ABL2: variants seen among roughly 807,000 people sequenced by gnomAD.
ABL2 encodes tyrosine-protein kinase ABL2.
In ABL2, 49 loss-of-function variants were observed where a neutral mutation model predicts 107.7. The ratio of observed to expected loss-of-function variants is 0.45; its 90% CI spans 0.36 to 0.58. The LOEUF (loss-of-function observed/expected upper bound fraction) is 0.58. Among genes scored for constraint, ABL2 ranks in the 20% least tolerant of loss-of-function variants. The probability of loss-of-function intolerance (pLI) is 0.00; values close to 1 mark genes in which losing one functional copy is unlikely to be tolerated. For missense variants in ABL2, 1,245 were observed against 1,457.0 expected (o/e 0.85, Z 2.37); for synonymous variants, 549 against 548.6 (o/e 1.00, Z -0.01).
chr1:179,229,178 C>A (rs1191877511), intron 1 of ABL2, 63 bp downstream of exon 1: 12 of 328,892 alleles, frequency 3.6e-5, no homozygotes, highest in Non-Finnish European at 6.0e-6. Context: ...CCGCCACCCA[C>A]CCCGCCCCGA....
intron 7 of ABL2, 120 bp from the exon 8 acceptor site, chr1:179,117,636 T>A: frequency 2.3e-6 from 2 of 888,036 alleles, no homozygotes; most frequent in Non-Finnish European, 3.4e-6. Context: ...AATATGGTAG[T>A]ATCTTCTGAT....
intron 1 of ABL2, among the ~76,000 whole-genome samples, chr1:179,134,506 CAA>C (rs1656652054): frequency 6.6e-6 from 1 of 152,182 alleles, no homozygotes; most frequent in African/African-American, 2.4e-5. Flanking sequence ...TTTATAAAAT[CAA>C]AAGTTTCCTC....
intron 1 of ABL2, among the ~76,000 whole-genome samples, chr1:179,180,700 T>C (rs148260856): frequency 6.6e-6 from 1 of 152,194 alleles, no homozygotes; most frequent in Non-Finnish European, 1.5e-5. Flanking sequence ...AAACATCTGA[T>C]AACAAAGTAA....
intron 1 of ABL2, among the ~76,000 whole-genome samples, chr1:179,195,533 T>C (rs925413086): frequency 5.9e-5 from 9 of 152,152 alleles, no homozygotes; most frequent in African/African-American, 2.2e-4. Flanking sequence ...TCTGTATATA[T>C]ATATTCAAAA....
At chr1:179,133,248 C>T in intron 2 of ABL2, 64 bp downstream of exon 2, 1 of 1,604,086 alleles carries the variant, frequency 6.2e-7, no homozygotes, top group Non-Finnish European at 8.5e-7. Context: ...CAAATCCATT[C>T]CCTGTTCTCC....
chr1:179,131,560 T>C (rs930570730), intron 2 of ABL2, 79 bp from the exon 3 acceptor site: 4 of 1,430,776 alleles, frequency 2.8e-6, no homozygotes, highest in Non-Finnish European at 2.9e-6. Context: ...ATATACACAG[T>C]ATTTCAGCTG....
rs771609427 is a variant in ABL2 at position 179,229,415 on chromosome 1, C to T, written c.-18G>A. On this transcript the variant is annotated 5_prime_UTR_variant, in exon 1 of 12. Coordinates refer to ENST00000502732, the MANE Select transcript of ABL2 (RefSeq NM_007314.4). ...TGCCCCATCCCTGCTCTCGCGTACT[C>T]CCGCGCCCCCGCCGACCCCTGGTCA... is the stretch of plus-strand genomic sequence containing the variant. 2 of 1,490,322 alleles carry T rather than the reference C, an allele frequency of 1.3e-6. No homozygotes were observed. The highest frequency in any genetic ancestry group is 1.4e-5 in the South Asian group (1 of 73,786). 92.3% of individuals were successfully genotyped at this position (1,490,322 alleles called of 1,614,324 possible). A position where few individuals can be genotyped will look rare whatever the true frequency, so the allele number is the denominator to read the frequency against.
At position 179,229,415 on chromosome 1, in the gene ABL2, C is replaced by G. The variant is rs771609427; in HGVS notation, c.-18G>C. On this transcript the variant is annotated 5_prime_UTR_variant, in exon 1 of 12. Coordinates refer to ENST00000502732, the MANE Select transcript of ABL2 (RefSeq NM_007314.4). ...TGCCCCATCCCTGCTCTCGCGTACT[C>G]CCGCGCCCCCGCCGACCCCTGGTCA... The G allele has an allele frequency of 1.4e-4, 205 of 1,490,214 alleles. No homozygotes were observed. Among genetic ancestry groups the G allele is most frequent in the Non-Finnish European group, 6.2e-5 (70 of 1,131,386 alleles). 92.3% of individuals were successfully genotyped at this position (1,490,214 alleles called of 1,614,324 possible).
intron 1 of ABL2, among the ~76,000 whole-genome samples, chr1:179,157,052 A>G (rs1188540655): frequency 6.6e-6 from 1 of 152,186 alleles, no homozygotes; most frequent in African/African-American, 2.4e-5. Flanking sequence ...TGCAGCAGCA[A>G]CAACTCTGCT....
chr1:179,157,428 C>T (rs1040458178), intron 1 of ABL2, among the ~76,000 whole-genome samples: 1 of 151,214 alleles, frequency 6.6e-6, no homozygotes, highest in Non-Finnish European at 1.5e-5. Context: ...ACCCGGGAGG[C>T]GGAGGTTGCA....
chr1:179,155,478 C>T (rs1273781509), intron 1 of ABL2, among the ~76,000 whole-genome samples: 1 of 152,030 alleles, frequency 6.6e-6, no homozygotes, highest in African/African-American at 2.4e-5. Flanking sequence ...ACCTGTAATC[C>T]CAGCACTTTG....
intron 1 of ABL2, among the ~76,000 whole-genome samples, chr1:179,181,158 G>A (rs1398267442): frequency 2.6e-5 from 4 of 152,078 alleles, no homozygotes; most frequent in Non-Finnish European, 4.4e-5. Flanking sequence ...ATTATGAAAC[G>A]GAGTTTAAAC....
At chr1:179,111,618 C>T (rs1242883875) in intron 10 of ABL2, among the ~76,000 whole-genome samples, 3 of 152,084 alleles carry the variant, frequency 2.0e-5, no homozygotes, top group Non-Finnish European at 2.9e-5. Context: ...TTTTGGTAGG[C>T]TGTGGATTGG....
chr1:179,146,221 C>T (rs1253766020), intron 1 of ABL2, among the ~76,000 whole-genome samples: 2 of 152,030 alleles, frequency 1.3e-5, no homozygotes, highest in Non-Finnish European at 2.9e-5. Context: ...ATCATGTTGG[C>T]TTAGAATAGG....
rs751897482 is a variant in ABL2 at position 179,108,295 on chromosome 1, C to T, written c.2972G>A (p.Arg991Lys). 1.2e-6 allele frequency: 2 copies of T among 1,613,926 alleles called. No homozygotes were observed. The highest frequency in any genetic ancestry group is 2.7e-5 in the African/African-American group (2 of 74,852). The change falls in exon 12 of 12, where the codon AGA becomes AAA. Residue 991 changes from arginine to lysine, a missense_variant. By Grantham distance (26) the Arg-to-Lys change is conservative. Coordinates refer to ENST00000502732, the MANE Select transcript of ABL2 (RefSeq NM_007314.4). ...GCAGATGGACGGATGCTGCAGTAGTCTCATCACTGGTGGTGGGGGTGGGGC... is the reference window on the plus strand; with the variant it reads ...GCAGATGGACGGATGCTGCAGTAGTTTCATCACTGGTGGTGGGGGTGGGGC... The part of the protein sequence containing the change: ...KCAPPPPPVM[R>K]LLQHPSICSD...
chr1:179,190,297 G>A (rs1013734761), intron 1 of ABL2, among the ~76,000 whole-genome samples: 3 of 152,050 alleles, frequency 2.0e-5, no homozygotes, highest in Admixed American at 6.6e-5. Flanking sequence ...TGCAAGAGTG[G>A]CTCACGGAAC....
chr1:179,202,078 AG>A (rs1338035592), intron 1 of ABL2, among the ~76,000 whole-genome samples: 1 of 129,280 alleles, frequency 7.7e-6, no homozygotes, highest in Non-Finnish European at 1.7e-5. Flanking sequence ...AGAAAAAAAA[AG>A]ATTTAAAGAT....
intron 1 of ABL2, among the ~76,000 whole-genome samples, chr1:179,149,433 T>C (rs946508890): frequency 6.6e-6 from 1 of 152,162 alleles, no homozygotes; most frequent in Non-Finnish European, 1.5e-5. Flanking sequence ...AGTAAGAAAA[T>C]CTAGCTAAGA....
chr1:179,174,315 T>TA (rs1659900812), intron 1 of ABL2, among the ~76,000 whole-genome samples: 1 of 148,198 alleles, frequency 6.7e-6, no homozygotes, highest in South Asian at 2.1e-4. Flanking sequence ...AGGTTTCAAA[T>TA]ATACTGGTAA....
Sources: allele counts gnomAD v4.1 joint callset (sites outside exome capture counted in the v4.1 genomes callset), GRCh38; gene constraint gnomAD v4.1.1; transcripts MANE v1.5; gene names NCBI Gene and HGNC (gene_info 2026-07-23, HGNC 2026-07-21).